The following CNTNAP5 variants were observed in gnomAD, a reference collection of about 807,000 sequenced individuals.
The protein encoded by CNTNAP5 is contactin-associated protein-like 5.
A neutral mutation model predicts 150.2 loss-of-function variants in CNTNAP5; 72 were observed. That is an observed-to-expected ratio of 0.48 (90% CI 0.40 to 0.58). CNTNAP5 has a LOEUF of 0.58. Among genes scored for constraint, CNTNAP5 ranks in the 20% least tolerant of loss-of-function variants. CNTNAP5 has a pLI of 0.00. For missense variants in CNTNAP5, 1,636 were observed against 1,626.2 expected (o/e 1.01, Z -0.10); for synonymous variants, 672 against 619.8 (o/e 1.08, Z -1.25).
chr2:124,368,914 G>A (rs1329478306), intron 3 of CNTNAP5, among the ~76,000 whole-genome samples: 1 of 152,172 alleles, frequency 6.6e-6, no homozygotes, highest in African/African-American at 2.4e-5. Context: ...GGAACTCAAG[G>A]TTGGAAGAGA....
intron 8 of CNTNAP5, among the ~76,000 whole-genome samples, chr2:124,522,851 G>T (rs867946540): frequency 6.6e-6 from 1 of 152,020 alleles, no homozygotes; most frequent in African/African-American, 2.4e-5. Context: ...CACTTTCCAC[G>T]ACTCCCCTTA....
chr2:124,501,705 C>T (rs915409009), intron 7 of CNTNAP5, among the ~76,000 whole-genome samples: 1 of 152,172 alleles, frequency 6.6e-6, no homozygotes, highest in Non-Finnish European at 1.5e-5. Context: ...TGGCCCTCAA[C>T]ACTGTACGTC....
intron 19 of CNTNAP5, among the ~76,000 whole-genome samples, chr2:124,824,832 A>G (rs1049303692): frequency 2.6e-5 from 4 of 152,190 alleles, no homozygotes; most frequent in African/African-American, 9.7e-5. Context: ...CTGTCACACA[A>G]GCAAAGATTT....
intron 21 of CNTNAP5, among the ~76,000 whole-genome samples, chr2:124,873,611 G>A (rs574144558): frequency 3.3e-5 from 5 of 152,146 alleles, no homozygotes; most frequent in African/African-American, 7.2e-5. Flanking sequence ...TAGAAAGGAC[G>A]CTAATCCTGG....
In CNTNAP5 at chr2:124,342,009, G is replaced by C. The variant is rs1431449117; in HGVS notation, c.382-75434G>C. On this transcript the variant is annotated intron_variant, in intron 3 of 23. Transcript: ENST00000682447. ...AACCAGGTACCGGAGGAGACCACAA[G>C]GAATGAATATCCAGTCCAAATTACA... Among the ~76,000 whole-genome samples the C allele has an allele frequency of 3.3e-5, 5 of 152,094 alleles. No individual in the cohort carries two copies. The East Asian group carries it at 9.6e-4, about 29-fold the overall frequency.
At chr2:124,445,081 C>CTTCT (rs1392514629) in intron 5 of CNTNAP5, among the ~76,000 whole-genome samples, 1 of 131,826 alleles carries the variant, frequency 7.6e-6, no homozygotes, top group Non-Finnish European at 1.6e-5. Flanking sequence ...ACACAAATAT[C>CTTCT]TTTTTTTTTT....
intron 3 of CNTNAP5, among the ~76,000 whole-genome samples, chr2:124,327,044 G>T (rs1017053901): frequency 6.9e-6 from 1 of 143,900 alleles, no homozygotes; most frequent in East Asian, 2.1e-4. Context: ...GCAGTGGTGC[G>T]ATCTCAGCTC....
At chr2:124,156,011 G>A (rs964408805) in intron 1 of CNTNAP5, among the ~76,000 whole-genome samples, 2 of 152,202 alleles carry the variant, frequency 1.3e-5, no homozygotes, top group African/African-American at 4.8e-5. Flanking sequence ...TAAAACAGAA[G>A]CCCAGTTGGC....
intron 1 of CNTNAP5, among the ~76,000 whole-genome samples, chr2:124,178,907 G>GTTAGTTAT (rs1553445372): frequency 1.4e-5 from 2 of 141,118 alleles, no homozygotes; most frequent in African/African-American, 2.6e-5. Flanking sequence ...ATTTTTATTT[G>GTTAGTTAT]TTATTTATTT....
At chr2:124,421,662 G>A (rs1427795736) in intron 4 of CNTNAP5, among the ~76,000 whole-genome samples, 1 of 152,120 alleles carries the variant, frequency 6.6e-6, no homozygotes, top group Non-Finnish European at 1.5e-5. Flanking sequence ...TATAAAGAAG[G>A]AATGAAAGCA....
intron 10 of CNTNAP5, among the ~76,000 whole-genome samples, chr2:124,536,758 G>A (rs1306435800): frequency 1.3e-5 from 2 of 152,112 alleles, no homozygotes; most frequent in Non-Finnish European, 2.9e-5. Flanking sequence ...TGAAGAGCAG[G>A]TTGGATTTAC....
chr2:124,150,633 T>C (rs937725678), intron 1 of CNTNAP5, among the ~76,000 whole-genome samples: 3 of 151,778 alleles, frequency 2.0e-5, no homozygotes, highest in African/African-American at 7.3e-5. Context: ...CCTTGTACCC[T>C]CACATGGTGG....
chr2:124,330,648 G>A (rs187377779), intron 3 of CNTNAP5, among the ~76,000 whole-genome samples: 106 of 152,198 alleles, frequency 7.0e-4, no homozygotes, highest in African/African-American at 2.5e-3. Flanking sequence ...GGCCTCCTGA[G>A]TAATGCAAAA....
At chr2:124,732,249 T>C (rs567142111) in intron 13 of CNTNAP5, among the ~76,000 whole-genome samples, 3 of 152,230 alleles carry the variant, frequency 2.0e-5, no homozygotes, top group Non-Finnish European at 1.5e-5. Flanking sequence ...GCTCAACTTA[T>C]TTTATTCCAT....
At chr2:124,153,811 A>G (rs1684461281) in intron 1 of CNTNAP5, among the ~76,000 whole-genome samples, 2 of 151,644 alleles carry the variant, frequency 1.3e-5, no homozygotes, top group Admixed American at 6.6e-5. Context: ...GAGTTTCACT[A>G]TATGTTGGCC....
At chr2:124,743,595 G>A (rs184130651) in intron 13 of CNTNAP5, among the ~76,000 whole-genome samples, 2 of 152,244 alleles carry the variant, frequency 1.3e-5, no homozygotes, top group East Asian at 1.9e-4. Context: ...ACAGCATGTC[G>A]ACTGAATCCG....
chr2:124,044,605 C>T (rs180791012), intron 1 of CNTNAP5, among the ~76,000 whole-genome samples: 2 of 152,170 alleles, frequency 1.3e-5, no homozygotes, highest in Non-Finnish European at 1.5e-5. Context: ...GAGAGTCCCA[C>T]AGGTCTTGGG....
At chr2:124,815,921 C>T (rs775995975) in intron 19 of CNTNAP5, among the ~76,000 whole-genome samples, 7 of 152,102 alleles carry the variant, frequency 4.6e-5, no homozygotes, top group African/African-American at 7.2e-5. Context: ...TAATAAATGA[C>T]GTTTTAAAGG....
intron 1 of CNTNAP5, among the ~76,000 whole-genome samples, chr2:124,176,844 T>G (rs1293155665): frequency 1.5e-5 from 1 of 66,444 alleles, no homozygotes; most frequent in African/African-American, 4.9e-5. Flanking sequence ...TATTGCTGGT[T>G]TTTTTTTTTT....
Sources: gnomAD v4.1 joint callset for allele counts (sites outside exome capture counted in the v4.1 genomes callset) on GRCh38, gnomAD v4.1.1 for gene constraint, MANE v1.5 for transcripts, NCBI Gene and HGNC (gene_info 2026-07-23, HGNC 2026-07-21) for gene names.